Variants in TRIM37 observed in about 807,000 individuals in gnomAD.
TRIM37 encodes tripartite motif containing 37, also known as E3 ubiquitin-protein ligase TRIM37.
In TRIM37, 80 loss-of-function variants were observed where a neutral mutation model predicts 129.8. The observed-to-expected ratio is 0.62, with a 90% CI of 0.51 to 0.74. The LOEUF (loss-of-function observed/expected upper bound fraction) is 0.74. Among genes scored for constraint, TRIM37 ranks in the 30% least tolerant of loss-of-function variants. The probability of loss-of-function intolerance (pLI) is 0.00; values close to 1 mark genes in which losing one functional copy is unlikely to be tolerated. For synonymous variants in TRIM37, 389 were observed against 387.1 expected (o/e 1.00, Z -0.06); for missense variants, 1,054 against 1,176.5 (o/e 0.90, Z 1.52).
At chr17:59,081,002 T>C in intron 6 of TRIM37, 95 bp downstream of exon 6, 2 of 784,950 alleles carry the variant, frequency 2.5e-6, no homozygotes, top group South Asian at 8.8e-5. Context: ...CTTGAAAACC[T>C]TGATTTCAAC....
intron 9 of TRIM37, among the ~76,000 whole-genome samples, chr17:59,070,388 T>C (rs1019337188): frequency 6.6e-6 from 1 of 152,180 alleles, no homozygotes; most frequent in South Asian, 2.1e-4. Context: ...GGTACACTGA[T>C]GAAGCTAATG....
chr17:59,026,771 T>G (rs775765669), intron 19 of TRIM37, among the ~76,000 whole-genome samples: 1 of 152,196 alleles, frequency 6.6e-6, no homozygotes, highest in Non-Finnish European at 1.5e-5. Context: ...TCTGCTACAC[T>G]ACTCCATGGG....
intron 7 of TRIM37, among the ~76,000 whole-genome samples, chr17:59,075,966 C>T (rs932842063): frequency 3.3e-5 from 5 of 152,078 alleles, no homozygotes; most frequent in Admixed American, 1.3e-4. Context: ...ATCTAAGAAA[C>T]GAAATGTGCA....
At chr17:59,089,622 AGAGT>A (rs2044107783) in intron 3 of TRIM37, among the ~76,000 whole-genome samples, 1 of 152,188 alleles carries the variant, frequency 6.6e-6, no homozygotes, top group African/African-American at 2.4e-5. Flanking sequence ...GCCTGGCGAA[AGAGT>A]GAGACTCCAT....
At chr17:59,003,029 C>T (rs2033981969) in intron 22 of TRIM37, among the ~76,000 whole-genome samples, 1 of 152,152 alleles carries the variant, frequency 6.6e-6, no homozygotes, top group Admixed American at 6.5e-5. Context: ...CCTGTGCCAT[C>T]ACACCTGGCT....
At chr17:59,012,180 A>G (rs2035337624) in intron 22 of TRIM37, 148 bp downstream of exon 22, 2 of 686,112 alleles carry the variant, frequency 2.9e-6, no homozygotes, top group African/African-American at 1.9e-5. Flanking sequence ...TAACATTTCC[A>G]TTAAACCAAC....
intron 16 of TRIM37, among the ~76,000 whole-genome samples, chr17:59,046,013 C>T (rs865982775): frequency 6.7e-6 from 1 of 150,104 alleles, no homozygotes; most frequent in Non-Finnish European, 1.5e-5. Flanking sequence ...AAGACTCCAT[C>T]TCAAAAAAAA....
At position 59,106,548 on chromosome 17, in the gene TRIM37, A is replaced by G; in HGVS notation, c.-87T>C. 6.5e-7 allele frequency: 1 copy of G among 1,543,328 alleles called. No individual in the cohort carries two copies. Among genetic ancestry groups the G allele is most frequent in the Non-Finnish European group, 8.9e-7 (1 of 1,127,024 alleles). ...CGCCGGCCCGAGGTCGCCAGATCAA[A>G]TCGCCGATAAAAGCCCGGCGCCCAC... On this transcript the variant is annotated 5_prime_UTR_variant, in exon 1 of 24. Coordinates refer to ENST00000262294, the MANE Select transcript of TRIM37 (RefSeq NM_015294.6).
Position 59,041,878 on chromosome 17 carries a change from T to C in TRIM37, c.1688A>G (p.Glu563Gly), listed in dbSNP as rs578067128. 1.2e-6 allele frequency: 2 copies of C among 1,613,430 alleles called. No homozygotes were observed. Among genetic ancestry groups the C allele is most frequent in the Admixed American group, 3.3e-5 (2 of 60,002 alleles). Residue 563 changes from glutamate (E) to glycine (G), a missense_variant, in exon 17 of 24, where the codon GAA (glutamate) becomes GGA (glycine). Glu to Gly is a moderately conservative substitution (Grantham distance 98). Around this residue, in one of 3 missense-constraint regions of TRIM37, gnomAD observed 752 missense variants for 870.8 expected, o/e 0.86. Coordinates refer to ENST00000262294, the MANE Select transcript of TRIM37 (RefSeq NM_015294.6). Reference sequence around the variant, plus strand: ...CTCTTCTAATTCCATGTTGTTATATTCCACATCATTTTCTCCAGACCTAAG... The same window carrying C: ...CTCTTCTAATTCCATGTTGTTATATCCCACATCATTTTCTCCAGACCTAAG... ...EETMSGENDVEYNNMELEEGE... is the reference protein window; with the variant it reads ...EETMSGENDVGYNNMELEEGE...
At chr17:59,025,607 G>A (rs546149649) in intron 19 of TRIM37, among the ~76,000 whole-genome samples, 3 of 151,966 alleles carry the variant, frequency 2.0e-5, no homozygotes, top group African/African-American at 4.8e-5. Context: ...AAGTCCCACC[G>A]TAAGACCTGC....
chr17:59,069,483 G>T (rs2042188705), intron 9 of TRIM37, among the ~76,000 whole-genome samples: 1 of 152,040 alleles, frequency 6.6e-6, no homozygotes, highest in Admixed American at 6.6e-5. Flanking sequence ...TTATAACAAA[G>T]ACTGTTTTCT....
intron 11 of TRIM37, 56 bp downstream of exon 11, chr17:59,062,511 G>T: frequency 1.4e-6 from 2 of 1,403,156 alleles, no homozygotes; most frequent in Non-Finnish European, 2.0e-6. Context: ...GTATACTACA[G>T]AACTCTGAAA....
At position 59,051,204 on chromosome 17, in the gene TRIM37, ATT is replaced by A. The variant is rs1240272727; in HGVS notation, c.1314+8_1314+9del. ...AGGAAACACCAAAACAGAAATAGAT[ATT>A]TTCTTACCTCTTTAAGGTTGTTTAT... On this transcript the variant is annotated splice_region_variant and intron_variant, in intron 14 of 23. Transcript: ENST00000262294. 6.4e-7 allele frequency: 1 copy of A among 1,551,072 alleles called. No individual in the cohort carries two copies. Among genetic ancestry groups the A allele is most frequent in the Non-Finnish European group, 8.9e-7 (1 of 1,123,038 alleles).
At chr17:59,040,847 C>A (rs1353641625) in intron 17 of TRIM37, among the ~76,000 whole-genome samples, 2 of 151,380 alleles carry the variant, frequency 1.3e-5, no homozygotes, top group Non-Finnish European at 2.9e-5. Context: ...GAGATCAAGA[C>A]CATCCTGGCT....
At chr17:59,101,381 G>C (rs1019035165) in intron 2 of TRIM37, among the ~76,000 whole-genome samples, 4 of 152,048 alleles carry the variant, frequency 2.6e-5, no homozygotes, top group Admixed American at 2.6e-4. Flanking sequence ...ACTCAAACCT[G>C]AGAGATCAGA....
downstream of TRIM37, among the ~76,000 whole-genome samples, chr17:58,994,132 G>A (rs1231786866): frequency 1.3e-5 from 2 of 152,062 alleles, no homozygotes; most frequent in African/African-American, 4.8e-5. Context: ...GTCAGAGAAA[G>A]GCATTATAAA....
chr17:58,998,176 C>T (rs1248375916), downstream of TRIM37: 14 of 980,830 alleles, frequency 1.4e-5, no homozygotes, highest in Admixed American at 1.2e-4. Flanking sequence ...GTTTCTGGTC[C>T]CAATTTAATA....
chr17:59,078,605 C>T (rs2043013120), intron 7 of TRIM37, among the ~76,000 whole-genome samples: 1 of 152,148 alleles, frequency 6.6e-6, no homozygotes, highest in Non-Finnish European at 1.5e-5. Flanking sequence ...CTCTACATGG[C>T]TTAATGAACT....
chr17:59,093,447 T>C (rs2044576614), intron 2 of TRIM37, among the ~76,000 whole-genome samples: 1 of 152,198 alleles, frequency 6.6e-6, no homozygotes, highest in Non-Finnish European at 1.5e-5. Flanking sequence ...TCTGGGTTAC[T>C]CCTACTCATT....
Sources: gnomAD v4.1 joint callset for allele counts (sites outside exome capture counted in the v4.1 genomes callset) on GRCh38, gnomAD v4.1.1 for gene constraint, gnomAD v4.1.1 regional missense constraint, MANE v1.5 for transcripts, NCBI Gene and HGNC (gene_info 2026-07-23, HGNC 2026-07-21) for gene names.